The following FAR2 variants were observed in gnomAD, a reference collection of about 807,000 sequenced individuals.
FAR2 encodes epididymis secretory protein Li 81.
A neutral mutation model predicts 56.0 loss-of-function variants in FAR2; 19 were observed. The ratio of observed to expected loss-of-function variants is 0.34; its 90% CI spans 0.24 to 0.50. The LOEUF is 0.50. Ranked by LOEUF, FAR2 falls within the 20% of genes least tolerant of loss-of-function variation. The pLI is 0.98. For synonymous variants in FAR2, 219 were observed against 218.8 expected, an observed-to-expected ratio of 1.00 and a Z score of -0.01; for missense variants, 508 against 642.2, an observed-to-expected ratio of 0.79 and a Z score of 2.26.
At chr12:29,311,666 TCACACACACA>T (rs61236613) in intron 7 of FAR2, among the ~76,000 whole-genome samples, 4 of 147,426 alleles carry the variant, frequency 2.7e-5, no homozygotes, top group African/African-American at 1.0e-4. Flanking sequence ...AACATCTCTT[TCACACACACA>T]CACACACACA....
At chr12:29,231,866 C>G (rs1393691009) in intron 1 of FAR2, among the ~76,000 whole-genome samples, 1 of 152,192 alleles carries the variant, frequency 6.6e-6, no homozygotes, top group African/African-American at 2.4e-5. Flanking sequence ...TCCTCACCAT[C>G]AAGAATCTCA....
intron 6 of FAR2, 110 bp downstream of exon 6, chr12:29,309,340 C>T: frequency 1.3e-6 from 1 of 761,892 alleles, no homozygotes; most frequent in South Asian, 1.6e-5. Context: ...TGTTACTTTA[C>T]TAATAACTGA....
chr12:29,246,615 G>A (rs577733779), intron 1 of FAR2, among the ~76,000 whole-genome samples: 5 of 152,036 alleles, frequency 3.3e-5, no homozygotes, highest in African/African-American at 9.6e-5. Flanking sequence ...TAAAATAAAG[G>A]GTCAAATTAA....
chr12:29,305,669 T>C (rs1373314219), intron 4 of FAR2, among the ~76,000 whole-genome samples: 11 of 152,174 alleles, frequency 7.2e-5, no homozygotes, highest in Non-Finnish European at 1.3e-4. Flanking sequence ...TTTACTCTTA[T>C]GAGAATTTAG....
intron 10 of FAR2, among the ~76,000 whole-genome samples, chr12:29,325,253 G>GC (rs1440676328): frequency 6.6e-6 from 1 of 152,102 alleles, no homozygotes; most frequent in African/African-American, 2.4e-5. Flanking sequence ...CATAAAGCAA[G>GC]CCCTTAGTGA....
intron 1 of FAR2, among the ~76,000 whole-genome samples, chr12:29,218,528 G>A (rs1167156938): frequency 6.6e-6 from 1 of 151,994 alleles, no homozygotes; most frequent in Non-Finnish European, 1.5e-5. Context: ...ATCTCAAACA[G>A]TCAAATATAT....
chr12:29,221,999 T>A (rs1947700050), intron 1 of FAR2, among the ~76,000 whole-genome samples: 1 of 152,038 alleles, frequency 6.6e-6, no homozygotes, highest in African/African-American at 2.4e-5. Flanking sequence ...AGGTGCCCAC[T>A]ACCACACCCA....
intron 1 of FAR2, among the ~76,000 whole-genome samples, chr12:29,225,650 C>T (rs970428356): frequency 3.3e-5 from 5 of 152,130 alleles, no homozygotes; most frequent in South Asian, 2.1e-4. Context: ...CTAGCCTTTC[C>T]GCTGCCCTAA....
chr12:29,317,482 AG>A (rs1949469793), intron 9 of FAR2, among the ~76,000 whole-genome samples: 1 of 152,204 alleles, frequency 6.6e-6, no homozygotes, highest in South Asian at 2.1e-4. Context: ...TTTCACATAA[AG>A]GATACTCGAC....
intron 1 of FAR2, among the ~76,000 whole-genome samples, chr12:29,250,634 G>A (rs1948193357): frequency 6.6e-6 from 1 of 152,044 alleles, no homozygotes; most frequent in African/African-American, 2.4e-5. Context: ...ATAGACAAAA[G>A]AAATAATTTC....
intron 1 of FAR2, among the ~76,000 whole-genome samples, chr12:29,167,991 C>T (rs1949846385): frequency 6.6e-6 from 1 of 152,128 alleles, no homozygotes; most frequent in East Asian, 1.9e-4. Flanking sequence ...GATGGTGCTT[C>T]CCAAATAAAC....
intron 1 of FAR2, among the ~76,000 whole-genome samples, chr12:29,267,725 T>C (rs1948542581): frequency 1.3e-5 from 2 of 152,244 alleles, no homozygotes; most frequent in African/African-American, 4.8e-5. Context: ...AGTATTTCTC[T>C]TATCCACCCT....
At chr12:29,311,987 T>A (rs772586918) in intron 8 of FAR2, 37 bp downstream of exon 8, 1 of 1,470,994 alleles carries the variant, frequency 6.8e-7, no homozygotes. Flanking sequence ...TAATTACTAG[T>A]GTCTGGCACA....
intron 4 of FAR2, among the ~76,000 whole-genome samples, chr12:29,306,119 T>C (rs1949251078): frequency 6.6e-6 from 1 of 151,788 alleles, no homozygotes; most frequent in Non-Finnish European, 1.5e-5. Context: ...CCAAATGAAA[T>C]GAGATAGTGG....
At chr12:29,191,875 A>G (rs930130718) in intron 1 of FAR2, among the ~76,000 whole-genome samples, 11 of 152,250 alleles carry the variant, frequency 7.2e-5, no homozygotes, top group African/African-American at 2.4e-4. Context: ...ATCCACTCCT[A>G]GCATCAGAGC....
At chr12:29,277,809 T>C (rs1191677806) in intron 2 of FAR2, 1 of 152,180 alleles carries the variant, frequency 6.6e-6, no homozygotes, top group Non-Finnish European at 1.5e-5. Flanking sequence ...AGAAGTATAA[T>C]CATGCCTTTG....
intron 1 of FAR2, among the ~76,000 whole-genome samples, chr12:29,195,653 A>G (rs1462154232): frequency 6.6e-6 from 1 of 152,198 alleles, no homozygotes; most frequent in Non-Finnish European, 1.5e-5. Flanking sequence ...GTGGAGATTC[A>G]GAGAAAAACC....
chr12:29,262,507 G>T (rs1487444627), intron 1 of FAR2, among the ~76,000 whole-genome samples: 2 of 152,188 alleles, frequency 1.3e-5, no homozygotes, highest in Non-Finnish European at 2.9e-5. Flanking sequence ...GCGCACGCCT[G>T]TAATCCCAGC....
intron 1 of FAR2, among the ~76,000 whole-genome samples, chr12:29,230,535 T>TG (rs1200204999): frequency 1.3e-5 from 2 of 151,896 alleles, no homozygotes; most frequent in Non-Finnish European, 2.9e-5. Flanking sequence ...AGCAAAGAAG[T>TG]GGATCACCGG....
Sources: allele counts gnomAD v4.1 joint callset (sites outside exome capture counted in the v4.1 genomes callset), GRCh38; gene constraint gnomAD v4.1.1; transcripts MANE v1.5; gene names NCBI Gene and HGNC (gene_info 2026-07-23, HGNC 2026-07-21).